NSD1: variants seen among roughly 807,000 people sequenced by gnomAD.
The protein encoded by NSD1 is nuclear receptor binding SET domain protein 1, also known as histone-lysine N-methyltransferase, H3 lysine-36 specific.
NSD1 carries 26 observed loss-of-function variants against 242.7 expected under a neutral mutation model. The observed-to-expected ratio is 0.11, with a 90% CI of 0.08 to 0.15. NSD1 has a LOEUF of 0.15. Ranked by LOEUF, NSD1 falls within the 10% of genes least tolerant of loss-of-function variation. The pLI is 1.00. For synonymous variants in NSD1, 1,106 were observed against 1,178.1 expected, an observed-to-expected ratio of 0.94 and a Z score of 1.25; for missense variants, 2,495 against 3,272.8, an observed-to-expected ratio of 0.76 and a Z score of 5.80.
Position 177,210,470 on chromosome 5 carries a change from G to T in NSD1, c.2071G>T (p.Ala691Ser). The T allele has an allele frequency of 6.2e-7, 1 of 1,614,138 alleles. No homozygotes were observed. The highest frequency in any genetic ancestry group is 8.5e-7 in the Non-Finnish European group (1 of 1,180,010). ...NEKIKYSRFA[A>S]TNTRVKAKQK... ...AAAGATAAAGTATTCTAGGTTTGCT[G>T]CCACAAACACTAGGGTAAAAGCAAA... The change falls in exon 5 of 23, where the codon GCC (alanine) becomes TCC (serine). Residue 691 changes from alanine (A) to serine (S), a missense_variant. By Grantham distance (99) the Ala-to-Ser change is moderately conservative. Transcript: ENST00000439151.
chr5:177,295,071 G>C lies in NSD1; in HGVS notation c.7703G>C (p.Gly2568Ala). The C allele has an allele frequency of 1.9e-6, 3 of 1,612,510 alleles. No homozygotes were observed. Among genetic ancestry groups the C allele is most frequent in the Non-Finnish European group, 2.5e-6 (3 of 1,179,204 alleles). The change falls in exon 23 of 23, where the codon GGG becomes GCG. Residue 2568 changes from glycine (G) to alanine (A), a missense_variant. By Grantham distance (60) the Gly-to-Ala change is moderately conservative (BLOSUM62 0). Transcript: ENST00000439151. This position sits in a 1 kb window ranked among gnomAD's most constrained non-coding sequence, Gnocchi z 4.3. ...RASAGAEQTPGPLSQSPGLVK... is the reference protein window; with the variant it reads ...RASAGAEQTPAPLSQSPGLVK... ...TCTGCAGGGGCTGAGCAGACCCCAG[G>C]GCCTCTTAGCCAATCCCCGGGCCTG... is the stretch of plus-strand genomic sequence containing the variant.
At chr5:177,180,187 T>G (rs1163567682) in intron 2 of NSD1, among the ~76,000 whole-genome samples, 1 of 151,754 alleles carries the variant, frequency 6.6e-6, no homozygotes, top group East Asian at 1.9e-4. Flanking sequence ...CTCCGCCTCC[T>G]GGATTCAAGT....
chr5:177,217,999 A>G (rs1763921145), intron 5 of NSD1, among the ~76,000 whole-genome samples: 1 of 151,932 alleles, frequency 6.6e-6, no homozygotes, highest in South Asian at 2.1e-4. Context: ...TGCAGCCTCA[A>G]CCACCCAGGC....
At chr5:177,273,142 G>A (rs1436620956) in intron 16 of NSD1, among the ~76,000 whole-genome samples, 3 of 152,134 alleles carry the variant, frequency 2.0e-5, no homozygotes, top group Non-Finnish European at 2.9e-5. Context: ...CAGATGAAGC[G>A]TAGTTGTTAG....
upstream of NSD1, among the ~76,000 whole-genome samples, chr5:177,131,928 T>C (rs552332639): frequency 3.3e-4 from 50 of 152,156 alleles, no homozygotes; most frequent in Middle Eastern, 3.4e-3. Context: ...ACCAGGTAAC[T>C]CCTGAGGTGA....
At chr5:177,265,784 C>G (rs1173957340) in intron 14 of NSD1, 1 of 1,416,324 alleles carries the variant, frequency 7.1e-7, no homozygotes, top group African/African-American at 1.4e-5. Context: ...GGTGGAGAAG[C>G]CGGTCCCTCC....
rs961502921 is a variant in NSD1 at position 177,204,115 on chromosome 5, C to A, written c.1064-5C>A. 1 of 1,613,578 alleles carries A rather than the reference C, an allele frequency of 6.2e-7. No individual in the cohort carries two copies. Among genetic ancestry groups the A allele is most frequent in the Non-Finnish European group, 8.5e-7 (1 of 1,179,692 alleles). Reference sequence around the variant, plus strand: ...AATGATTCTGGTTCTCTTACCCTTACCTAGTTTCCAACCGGAGGCCCTATC... The same window carrying A: ...AATGATTCTGGTTCTCTTACCCTTAACTAGTTTCCAACCGGAGGCCCTATC... On this transcript the variant is annotated splice_region_variant and splice_polypyrimidine_tract_variant and intron_variant, in intron 3 of 22. Transcript: ENST00000439151.
chr5:177,185,697 TTATAA>T (rs1262813554), intron 2 of NSD1, among the ~76,000 whole-genome samples: 12 of 118,056 alleles, frequency 1.0e-4, no homozygotes, highest in African/African-American at 3.3e-4. Flanking sequence ...TTGTTTTTTA[TTATAA>T]TATATATACA....
Position 177,248,329 on chromosome 5 carries a change from A to G in NSD1, c.4641+5A>G, listed in dbSNP as rs765202321. The G allele has an allele frequency of 1.9e-6, 3 of 1,613,182 alleles. No individual in the cohort carries two copies. The highest frequency in any genetic ancestry group is 1.7e-6 in the Non-Finnish European group (2 of 1,179,574). On this transcript the variant is annotated splice_donor_5th_base_variant and intron_variant, in intron 11 of 22. Coordinates refer to ENST00000439151, the MANE Select transcript of NSD1 (RefSeq NM_022455.5). ...CTCAAGGAGAATGTCTGTCAGGTAG[A>G]GAAATGTTTGCCCACTTGTGTTTTC...
In NSD1 at chr5:177,210,015, C is replaced by A; in HGVS notation, c.1616C>A (p.Ser539Tyr). The A allele has an allele frequency of 6.2e-7, 1 of 1,614,142 alleles. No homozygotes were observed. Among genetic ancestry groups the A allele is most frequent in the South Asian group, 1.1e-5 (1 of 91,078 alleles). The change falls in exon 5 of 23, where the codon TCT (serine) becomes TAT (tyrosine). Residue 539 changes from serine (S) to tyrosine (Y), a missense_variant. Physicochemically the swap from Ser to Tyr is moderately radical, Grantham distance 144 (BLOSUM62 -2). Around this residue, in one of 19 missense-constraint regions of NSD1, gnomAD observed 515 missense variants for 467.0 expected, o/e 1.10. Coordinates refer to ENST00000439151, the MANE Select transcript of NSD1 (RefSeq NM_022455.5). The part of the protein sequence containing the change: ...IPENLGLNFI[S>Y]GDISDTQASN... ...GAGAACCTTGGCCTAAACTTTATCT[C>A]TGGGGATATATCTGATACGCAGGCC...
chr5:177,143,370 C>T (rs192023911), intron 2 of NSD1, among the ~76,000 whole-genome samples: 7 of 151,632 alleles, frequency 4.6e-5, no homozygotes, highest in Non-Finnish European at 1.0e-4. Flanking sequence ...TGCACAGGTT[C>T]GAGGGCAGTG....
intron 19 of NSD1, among the ~76,000 whole-genome samples, chr5:177,282,819 C>T (rs564922008): frequency 2.0e-5 from 3 of 152,170 alleles, no homozygotes; most frequent in Non-Finnish European, 4.4e-5. Context: ...AAAATTGGAG[C>T]TTATATCTTT....
chr5:177,167,399 G>T (rs941590615), intron 2 of NSD1, among the ~76,000 whole-genome samples: 1 of 152,114 alleles, frequency 6.6e-6, no homozygotes, highest in South Asian at 2.1e-4. Context: ...GCCAGGCTTG[G>T]TGGCGCATGC....
chr5:177,189,852 A>G (rs1397292705), intron 2 of NSD1, among the ~76,000 whole-genome samples: 2 of 152,234 alleles, frequency 1.3e-5, no homozygotes, highest in Non-Finnish European at 2.9e-5. Flanking sequence ...CAGTACAGAT[A>G]AAATATTTGT....
At position 177,268,384 on chromosome 5, in the gene NSD1, G is replaced by A. The variant is rs56005954; in HGVS notation, c.5303+666G>A. Among the ~76,000 whole-genome samples, 231 of 150,506 alleles carry A rather than the reference G, an allele frequency of 1.5e-3. 5 individuals carry two copies. The highest frequency in any genetic ancestry group is 1.5e-3 in the Non-Finnish European group (101 of 67,596). Reference sequence around the variant, plus strand: ...GGAGATATACCTAATGCTAAATGACGAGTTAATGGGTGCAGCACACCAACA... The same window carrying A: ...GGAGATATACCTAATGCTAAATGACAAGTTAATGGGTGCAGCACACCAACA... On this transcript the variant is annotated intron_variant, in intron 15 of 22. Coordinates refer to ENST00000439151, the MANE Select transcript of NSD1 (RefSeq NM_022455.5).
intron 7 of NSD1, 84 bp from the exon 8 acceptor site, chr5:177,239,672 C>A: frequency 1.3e-6 from 1 of 779,890 alleles, no homozygotes. Context: ...CATTGAGATT[C>A]ATTTTGTGTG....
Position 177,283,912 on chromosome 5 carries a change from A to C in NSD1, c.6135A>C (p.Leu2045=). 6.2e-7 allele frequency: 1 copy of C among 1,614,192 alleles called. No individual in the cohort carries two copies. The highest frequency in any genetic ancestry group is 2.2e-5 in the East Asian group (1 of 44,886). Residue 2045 remains leucine, a synonymous_variant, in exon 20 of 23, where the codon CTA becomes CTC. Transcript: ENST00000439151. Reference sequence around the variant, plus strand: ...ATACCCGTGTAGGCCTTTTTGCACTAAGTGACATTAAAGCAGGTAAGAATC... The same window carrying C: ...ATACCCGTGTAGGCCTTTTTGCACTCAGTGACATTAAAGCAGGTAAGAATC... The part of the protein sequence containing the change: ...NGDTRVGLFA[L]SDIKAGTELT...
At chr5:177,132,159 T>G (rs1157363012), upstream of NSD1, among the ~76,000 whole-genome samples, 3 of 152,078 alleles carry the variant, frequency 2.0e-5, no homozygotes, top group Non-Finnish European at 2.9e-5. The surrounding 1 kb of genome is among the most constrained non-coding windows in gnomAD (Gnocchi z 7.5). Context: ...GCCAGCGGGC[T>G]TGTCCCGGCC....
intron 5 of NSD1, among the ~76,000 whole-genome samples, chr5:177,234,668 A>T (rs916020828): frequency 6.6e-6 from 1 of 152,182 alleles, no homozygotes; most frequent in African/African-American, 2.4e-5. Context: ...GTGAGCTGAG[A>T]TCATGCTGCT....
Sources: gnomAD v4.1 joint callset for allele counts (sites outside exome capture counted in the v4.1 genomes callset) on GRCh38, gnomAD v4.1.1 for gene constraint, gnomAD v4.1.1 regional missense constraint, Gnocchi (gnomAD v3.1) non-coding constraint, MANE v1.5 for transcripts, NCBI Gene and HGNC (gene_info 2026-07-23, HGNC 2026-07-21) for gene names.